CEP83: variants seen among roughly 807,000 people sequenced by gnomAD.
The protein encoded by CEP83 is centrosomal protein of 83 kDa.
In CEP83, 70 loss-of-function variants were observed where a neutral mutation model predicts 101.9. The ratio of observed to expected loss-of-function variants is 0.69; its 90% CI spans 0.57 to 0.84. The LOEUF is 0.84. Among genes scored for constraint, CEP83 ranks in the 40% least tolerant of loss-of-function variants. The pLI is 0.00. For missense variants in CEP83, 715 were observed against 787.2 expected, an observed-to-expected ratio of 0.91 and a Z score of 1.10; for synonymous variants, 264 against 267.9, an observed-to-expected ratio of 0.99 and a Z score of 0.14.
intron 9 of CEP83, 23 bp from the exon 10 acceptor site, chr12:94,368,224 G>C (rs764817094): frequency 3.1e-6 from 5 of 1,590,088 alleles, no homozygotes; most frequent in Non-Finnish European, 4.3e-6. Context: ...AAGGAGAAAA[G>C]TGTACTATAT....
chr12:94,447,326 C>T lies in CEP83; in HGVS notation c.-154-11999G>A, dbSNP rs554383261. Among the ~76,000 whole-genome samples, 6 of 152,216 alleles carry T rather than the reference C, an allele frequency of 3.9e-5. No individual in the cohort carries two copies. The East Asian group carries it at 9.6e-4, about 24-fold the overall frequency. The stretch of plus-strand genomic sequence containing the variant: ...CCCAGAAGTTCGAGACCAGCCTGGG[C>T]AACATGGCAAAACCCCATCTCTACA... On this transcript the variant is annotated intron_variant, in intron 1 of 16. Coordinates refer to ENST00000397809, the MANE Select transcript of CEP83 (RefSeq NM_016122.3).
At chr12:94,325,493 T>C (rs1246082041) in intron 14 of CEP83, among the ~76,000 whole-genome samples, 3 of 152,188 alleles carry the variant, frequency 2.0e-5, no homozygotes. Flanking sequence ...AATTTTCCTC[T>C]TAGTACTCAC....
At chr12:94,450,864 T>C (rs1484846219) in intron 1 of CEP83, among the ~76,000 whole-genome samples, 1 of 152,136 alleles carries the variant, frequency 6.6e-6, no homozygotes, top group Non-Finnish European at 1.5e-5. Flanking sequence ...TGATCCTAAA[T>C]TGTATATGGA....
chr12:94,331,383 T>C (rs1391739839), intron 14 of CEP83, among the ~76,000 whole-genome samples: 6 of 138,974 alleles, frequency 4.3e-5, no homozygotes, highest in African/African-American at 1.6e-4. Flanking sequence ...TTTTTTTTTT[T>C]TGCGACAGAG....
intron 12 of CEP83, among the ~76,000 whole-genome samples, chr12:94,335,299 A>G (rs750382357): frequency 6.6e-6 from 1 of 152,098 alleles, no homozygotes; most frequent in Non-Finnish European, 1.5e-5. Context: ...AATTCTGAAT[A>G]TTAAAATACT....
intron 6 of CEP83, among the ~76,000 whole-genome samples, chr12:94,398,895 C>T (rs570265241): frequency 6.6e-6 from 1 of 152,160 alleles, no homozygotes; most frequent in African/African-American, 2.4e-5. Context: ...TGAAATACAC[C>T]CTGGTCTCCT....
the CEP83 span, among the ~76,000 whole-genome samples, chr12:94,284,597 G>A: frequency 1.3e-5 from 2 of 152,020 alleles, no homozygotes; most frequent in South Asian, 2.1e-4. Context: ...GCAGTCCTAC[G>A]AGATAGGTAC....
At chr12:94,267,655 C>T in the CEP83 span, among the ~76,000 whole-genome samples, 2 of 152,188 alleles carry the variant, frequency 1.3e-5, no homozygotes, top group Middle Eastern at 3.2e-3. Flanking sequence ...GGGCCTGGCC[C>T]AGCCCCCCTT....
intron 11 of CEP83, among the ~76,000 whole-genome samples, chr12:94,353,169 G>A (rs2060282523): frequency 6.6e-6 from 1 of 152,066 alleles, no homozygotes; most frequent in South Asian, 2.1e-4. Flanking sequence ...AAACCTTACA[G>A]GCAAGAAGAG....
At chr12:94,448,759 A>G (rs895017989) in intron 1 of CEP83, among the ~76,000 whole-genome samples, 2 of 152,148 alleles carry the variant, frequency 1.3e-5, no homozygotes, top group Non-Finnish European at 2.9e-5. Flanking sequence ...GCAAACCAAA[A>G]TGTACAGAAT....
chr12:94,415,362 A>G (rs892282018), intron 2 of CEP83, among the ~76,000 whole-genome samples: 3 of 152,160 alleles, frequency 2.0e-5, no homozygotes, highest in Non-Finnish European at 4.4e-5. Context: ...TGGGCAAATT[A>G]TGAAAGGTTT....
chr12:94,394,600 GC>G (rs1268585366), intron 6 of CEP83, among the ~76,000 whole-genome samples: 2 of 152,120 alleles, frequency 1.3e-5, no homozygotes, highest in Non-Finnish European at 2.9e-5. Context: ...AAAAGCAATG[GC>G]AACAAAAGCC....
At chr12:94,312,241 AC>A (rs1391132318) in intron 15 of CEP83, among the ~76,000 whole-genome samples, 1 of 152,210 alleles carries the variant, frequency 6.6e-6, no homozygotes, top group Non-Finnish European at 1.5e-5. Context: ...TCTTTAAAAA[AC>A]AATTGTTCAC....
intron 14 of CEP83, among the ~76,000 whole-genome samples, chr12:94,320,901 A>G (rs1419431826): frequency 6.6e-6 from 1 of 152,070 alleles, no homozygotes; most frequent in Non-Finnish European, 1.5e-5. Flanking sequence ...TTTGTTCTCT[A>G]TAGTTCCTGT....
chr12:94,327,055 T>C (rs1183939697), intron 14 of CEP83, among the ~76,000 whole-genome samples: 1 of 152,226 alleles, frequency 6.6e-6, no homozygotes, highest in Non-Finnish European at 1.5e-5. Flanking sequence ...CCTAAGTGAC[T>C]GGAAGAATAA....
At chr12:94,340,958 C>CA (rs2059659337) in intron 11 of CEP83, among the ~76,000 whole-genome samples, 1 of 152,202 alleles carries the variant, frequency 6.6e-6, no homozygotes, top group African/African-American at 2.4e-5. Context: ...CTGAAACCAG[C>CA]AAAACCCTTA....
At chr12:94,314,901 A>T (rs1409898166) in intron 14 of CEP83, among the ~76,000 whole-genome samples, 1 of 152,184 alleles carries the variant, frequency 6.6e-6, no homozygotes, top group Non-Finnish European at 1.5e-5. Context: ...TCAACATTTT[A>T]TCTATATGAC....
At chr12:94,331,252 C>G (rs2059187489) in intron 14 of CEP83, among the ~76,000 whole-genome samples, 1 of 127,172 alleles carries the variant, frequency 7.9e-6, no homozygotes, top group Admixed American at 9.3e-5. Flanking sequence ...GATTGCACCA[C>G]TGCAATCCAA....
At chr12:94,297,209 C>T in the CEP83 span, 1 of 1,614,032 alleles carries the variant, frequency 6.2e-7, no homozygotes, top group Non-Finnish European at 8.5e-7. Flanking sequence ...CTCGGATGAC[C>T]ACTGCCATTT....
Sources: gnomAD v4.1 joint callset for allele counts (sites outside exome capture counted in the v4.1 genomes callset) on GRCh38, gnomAD v4.1.1 for gene constraint, MANE v1.5 for transcripts, NCBI Gene and HGNC (gene_info 2026-07-23, HGNC 2026-07-21) for gene names.